CPLX2: variants seen among roughly 807,000 people sequenced by gnomAD.
CPLX2 encodes complexin 2, also known as complexin-2.
CPLX2 carries 5 observed loss-of-function variants against 16.3 expected under a neutral mutation model. The ratio of observed to expected loss-of-function variants is 0.31; its 90% CI spans 0.16 to 0.64. CPLX2 has a LOEUF of 0.64. CPLX2 is among the 30% of genes least tolerant of loss of function. The pLI, the probability that CPLX2 is intolerant of heterozygous loss-of-function variation, is 0.79. For missense variants in CPLX2, 144 were observed against 181.4 expected, an observed-to-expected ratio of 0.79 and a Z score of 1.18; for synonymous variants, 89 against 73.2, an observed-to-expected ratio of 1.22 and a Z score of -1.10.
intron 1 of CPLX2, among the ~76,000 whole-genome samples, chr5:175,877,775 A>C (rs1294660506): frequency 6.6e-6 from 1 of 152,242 alleles, no homozygotes; most frequent in African/African-American, 2.4e-5. Context: ...CCACTTTTAC[A>C]TATTTTGCAT....
At chr5:175,805,971 T>C (rs1393219257) in intron 1 of CPLX2, among the ~76,000 whole-genome samples, 1 of 152,134 alleles carries the variant, frequency 6.6e-6, no homozygotes, top group African/African-American at 2.4e-5. Context: ...TCCTCCTATC[T>C]TTGCCACCCC....
chr5:175,817,981 A>T (rs754192537), intron 2 of CPLX2, among the ~76,000 whole-genome samples: 2 of 152,038 alleles, frequency 1.3e-5, no homozygotes, highest in African/African-American at 2.4e-5. Context: ...ATAAGAGCAA[A>T]CTTTCCTTCA....
At chr5:175,844,194 G>C (rs1758999374) in intron 2 of CPLX2, among the ~76,000 whole-genome samples, 1 of 152,224 alleles carries the variant, frequency 6.6e-6, no homozygotes, top group Non-Finnish European at 1.5e-5. Context: ...CAGAGGCCAA[G>C]GAACACGCCA....
At chr5:175,796,971 G>C (rs1757989590) in intron 1 of CPLX2, among the ~76,000 whole-genome samples, 1 of 152,188 alleles carries the variant, frequency 6.6e-6, no homozygotes, top group South Asian at 2.1e-4. Context: ...AGGGCGCCTC[G>C]GGCTTCTCGC....
At chr5:175,821,777 C>T (rs1258556642) in intron 2 of CPLX2, among the ~76,000 whole-genome samples, 1 of 152,180 alleles carries the variant, frequency 6.6e-6, no homozygotes, top group Non-Finnish European at 1.5e-5. Flanking sequence ...TGCACTGAGC[C>T]CCTACCGGGT....
At chr5:175,801,521 A>G (rs1467586121) in intron 1 of CPLX2, among the ~76,000 whole-genome samples, 1 of 152,220 alleles carries the variant, frequency 6.6e-6, no homozygotes. Flanking sequence ...GGCATGGCCC[A>G]GGAGCTAGGC....
At chr5:175,854,297 C>T (rs1482962238) in intron 2 of CPLX2, among the ~76,000 whole-genome samples, 1 of 152,180 alleles carries the variant, frequency 6.6e-6, no homozygotes, top group Non-Finnish European at 1.5e-5. Context: ...CTTAAAGCTC[C>T]CTGCTGACCC....
chr5:175,836,001 C>T (rs945523922), intron 2 of CPLX2, among the ~76,000 whole-genome samples: 2 of 152,008 alleles, frequency 1.3e-5, no homozygotes, highest in African/African-American at 2.4e-5. Flanking sequence ...AGCCTCACAA[C>T]ATGCTGGGAT....
At chr5:175,808,053 C>T (rs182215438) in intron 1 of CPLX2, among the ~76,000 whole-genome samples, 2 of 113,850 alleles carry the variant, frequency 1.8e-5, no homozygotes, top group Non-Finnish European at 4.1e-5. Flanking sequence ...GAGGAGGCGA[C>T]AGGTTGTCCT....
upstream of CPLX2, chr5:175,871,458 A>AGAGAGAGG (rs1759608864): frequency 1.3e-4 from 10 of 79,960 alleles, no homozygotes; most frequent in East Asian, 7.2e-4. Context: ...AGAGAGAGAG[A>AGAGAGAGG]GAGAGAGAGA....
At chr5:175,829,117 C>T (rs566831118) in intron 2 of CPLX2, among the ~76,000 whole-genome samples, 45 of 152,352 alleles carry the variant, frequency 3.0e-4, no homozygotes, top group Admixed American at 1.6e-3. Flanking sequence ...GCCACTGAAG[C>T]GGATGCAGAC....
chr5:175,847,743 A>C (rs2113675387), intron 2 of CPLX2, among the ~76,000 whole-genome samples: 2 of 152,346 alleles, frequency 1.3e-5, no homozygotes, highest in South Asian at 4.1e-4. Flanking sequence ...ACATGGTGCC[A>C]GTCACAACAG....
intron 2 of CPLX2, among the ~76,000 whole-genome samples, chr5:175,827,967 G>A (rs952746456): frequency 6.6e-6 from 1 of 152,108 alleles, no homozygotes; most frequent in African/African-American, 2.4e-5. Flanking sequence ...TCTATTTTAG[G>A]TATAACTCCT....
At chr5:175,860,610 GGAA>G (rs1759355466) in intron 2 of CPLX2, among the ~76,000 whole-genome samples, 5 of 149,686 alleles carry the variant, frequency 3.3e-5, no homozygotes. Context: ...AAGGAAGGAA[GGAA>G]GGAAGGAAGG....
In CPLX2 at chr5:175,881,257, C is replaced by T. The variant is rs1478752124; in HGVS notation, c.*1212C>T. On this transcript the variant is annotated 3_prime_UTR_variant, in exon 4 of 4. Transcript: ENST00000393745. ...GGATTGTGTGTTCAGAGATCATATG[C>T]ATATGTGTAGGGCTGGAGCGTGTGT... 6.5e-6 allele frequency: 1 copy of T among 153,326 alleles called. No homozygotes were observed. The highest frequency in any genetic ancestry group is 1.9e-4 in the East Asian group (1 of 5,204). The allele number at this position is 153,326 out of a possible 1,614,324, so 9.5% of individuals were successfully genotyped here.
intron 2 of CPLX2, among the ~76,000 whole-genome samples, chr5:175,852,178 T>C (rs1759169913): frequency 6.6e-6 from 1 of 152,188 alleles, no homozygotes; most frequent in African/African-American, 2.4e-5. Flanking sequence ...AACACTCTGA[T>C]AGCCTTCCAA....
At chr5:175,844,976 C>G (rs1192024587) in intron 2 of CPLX2, among the ~76,000 whole-genome samples, 1 of 152,178 alleles carries the variant, frequency 6.6e-6, no homozygotes, top group African/African-American at 2.4e-5. Context: ...AGAACAGAGG[C>G]TCTGTGAGCT....
intron 2 of CPLX2, among the ~76,000 whole-genome samples, chr5:175,814,355 G>C (rs1306438456): frequency 6.6e-6 from 1 of 152,254 alleles, no homozygotes; most frequent in Non-Finnish European, 1.5e-5. Flanking sequence ...CCAGCAGTCA[G>C]TGAGGTCAGG....
intron 2 of CPLX2, among the ~76,000 whole-genome samples, chr5:175,836,357 A>ATAAAT (rs898026649): frequency 3.1e-5 from 4 of 130,540 alleles, no homozygotes; most frequent in Admixed American, 7.5e-5. Context: ...CTCAAAATAA[A>ATAAAT]TAAATAAAAT....
Sources: gnomAD v4.1 joint callset for allele counts (sites outside exome capture counted in the v4.1 genomes callset) on GRCh38, gnomAD v4.1.1 for gene constraint, MANE v1.5 for transcripts, NCBI Gene and HGNC (gene_info 2026-07-23, HGNC 2026-07-21) for gene names.